HRH2: variants seen among roughly 807,000 people sequenced by gnomAD.
HRH2 encodes the protein histamine receptor H2.
HRH2 carries 4 observed loss-of-function variants against 20.1 expected under a neutral mutation model. The observed-to-expected ratio is 0.20, with a 90% CI of 0.10 to 0.45. The LOEUF is 0.45. Ranked by LOEUF, HRH2 falls within the 20% of genes least tolerant of loss-of-function variation. HRH2 has a pLI of 0.99. For synonymous variants in HRH2, 197 were observed against 200.7 expected (o/e 0.98, Z 0.16); for missense variants, 250 against 461.6 (o/e 0.54, Z 4.20).
intron 2 of HRH2, among the ~76,000 whole-genome samples, chr5:175,697,848 G>GA (rs1416213257): frequency 6.6e-6 from 1 of 152,180 alleles, no homozygotes; most frequent in Non-Finnish European, 1.5e-5. Context: ...CCTGTTCTCA[G>GA]AGCATATCCC....
intron 2 of HRH2, among the ~76,000 whole-genome samples, chr5:175,695,842 G>A (rs949991156): frequency 1.3e-5 from 2 of 152,254 alleles, no homozygotes; most frequent in African/African-American, 4.8e-5. Flanking sequence ...GGGCTGAGGA[G>A]GAACCATCTG....
intron 1 of HRH2, among the ~76,000 whole-genome samples, chr5:175,671,873 G>A (rs934272831): frequency 1.6e-5 from 2 of 126,814 alleles, no homozygotes; most frequent in African/African-American, 6.0e-5. Context: ...TTAAATGGCT[G>A]TGACTCATTG....
In HRH2 at chr5:175,660,576, GA is replaced by G. The variant is rs1214254317; in HGVS notation, c.-526+2422del. 2.0e-5 allele frequency among the ~76,000 whole-genome samples: 3 copies of G among 152,304 alleles called. No homozygotes were observed. The East Asian group carries it at 5.8e-4, about 29-fold the overall frequency. ...TGGGGTTGTGGGAGATTTGTTCCCT[GA>G]CTACTTTTTCTTGACTTTCCAGATT... On this transcript the variant is annotated intron_variant, in intron 1 of 2. Coordinates refer to ENST00000636584, the MANE Select transcript of HRH2 (RefSeq NM_001367711.1).
intron 2 of HRH2, among the ~76,000 whole-genome samples, chr5:175,700,489 A>G (rs1227591747): frequency 6.6e-6 from 1 of 152,228 alleles, no homozygotes; most frequent in African/African-American, 2.4e-5. Context: ...ACCCAGGGAC[A>G]TAAGTGCCTC....
At chr5:175,671,644 A>T (rs17065288) in intron 1 of HRH2, among the ~76,000 whole-genome samples, 2,272 of 152,350 alleles carry the variant, frequency 0.015, 70 homozygotes, top group African/African-American at 0.052. Flanking sequence ...AGTGCCAGGT[A>T]TAAAATACAA....
intron 2 of HRH2, chr5:175,685,542 T>C (rs1448781474): frequency 2.7e-6 from 4 of 1,457,806 alleles, no homozygotes; most frequent in Non-Finnish European, 3.8e-6. Flanking sequence ...ACTGGGGATG[T>C]AGAAATGAGA....
At chr5:175,701,564 C>T (rs932781067) in intron 2 of HRH2, among the ~76,000 whole-genome samples, 5 of 152,110 alleles carry the variant, frequency 3.3e-5, no homozygotes, top group African/African-American at 9.7e-5. Flanking sequence ...CTTTGCAGAC[C>T]CAAGGGAAAA....
At chr5:175,705,124 T>G (rs776498980) in intron 2 of HRH2, among the ~76,000 whole-genome samples, 43 of 152,170 alleles carry the variant, frequency 2.8e-4, no homozygotes, top group Non-Finnish European at 6.0e-4. Context: ...CTTGCCAAAT[T>G]AATCTGTATG....
In HRH2 at chr5:175,683,602, A is replaced by G; in HGVS notation, c.369A>G (p.Pro123=). 6.2e-7 allele frequency: 1 copy of G among 1,613,992 alleles called. No homozygotes were observed. Among genetic ancestry groups the G allele is most frequent in the African/African-American group, 1.3e-5 (1 of 74,972 alleles). Residue 123 remains proline, a synonymous_variant, in exon 2 of 3, where the codon CCA becomes CCG. Transcript: ENST00000636584. ...SLDRYCAVMD[P]LRYPVLVTPV... ...ACCGGTACTGCGCTGTCATGGACCC[A>G]CTGCGGTACCCTGTGCTGGTCACCC... is the stretch of plus-strand genomic sequence containing the variant.
intron 2 of HRH2, among the ~76,000 whole-genome samples, chr5:175,689,261 T>G (rs1756280606): frequency 6.6e-6 from 1 of 152,088 alleles, no homozygotes; most frequent in Non-Finnish European, 1.5e-5. Context: ...CCTGCCCCTC[T>G]GGCCCCCCTC....
At chr5:175,700,873 G>A (rs963475931) in intron 2 of HRH2, among the ~76,000 whole-genome samples, 1 of 152,126 alleles carries the variant, frequency 6.6e-6, no homozygotes, top group East Asian at 1.9e-4. Context: ...GGGCGACAGA[G>A]CAAGACTCTG....
At chr5:175,675,720 C>T (rs957553650) in intron 1 of HRH2, among the ~76,000 whole-genome samples, 2 of 152,228 alleles carry the variant, frequency 1.3e-5, no homozygotes, top group African/African-American at 4.8e-5. Context: ...TGAGCTAGTC[C>T]TCCAGCTTCC....
chr5:175,687,197 G>A lies in HRH2; in HGVS notation c.1076+2888G>A, dbSNP rs566996912. Among the ~76,000 whole-genome samples, 11 of 152,312 alleles carry A rather than the reference G, an allele frequency of 7.2e-5. No individual in the cohort carries two copies. In the South Asian group the frequency reaches 1.0e-3, roughly 14 times the overall value. On this transcript the variant is annotated intron_variant, in intron 2 of 2. Coordinates refer to ENST00000636584, the MANE Select transcript of HRH2 (RefSeq NM_001367711.1). The surrounding 1 kb of genome is among the most constrained non-coding windows in gnomAD (Gnocchi z 5.2). ...CACTGTGGTTGAGGGCATGGAGGGC[G>A]GAGGGAGCCAAGAACAGCCAGAGGT...
chr5:175,708,247 T>G lies in HRH2; in HGVS notation c.*276T>G, dbSNP rs1402545194. 3.1e-6 allele frequency: 1 copy of G among 323,646 alleles called. No homozygotes were observed. The highest frequency in any genetic ancestry group is 2.1e-5 in the African/African-American group (1 of 47,056). 20.0% of individuals were successfully genotyped at this position (323,646 alleles called of 1,614,324 possible). ...ACGTTGGTGCTGGCCCTGGGAGTCA[T>G]GAGCAGAGACGGTGGGACAGACGGG... On this transcript the variant is annotated 3_prime_UTR_variant, in exon 3 of 3. Transcript: ENST00000636584.
At chr5:175,678,213 C>G (rs1204093428) in intron 1 of HRH2, among the ~76,000 whole-genome samples, 1 of 152,212 alleles carries the variant, frequency 6.6e-6, no homozygotes, top group Non-Finnish European at 1.5e-5. Flanking sequence ...TCTGCTGTGC[C>G]CACTGCTGTA....
chr5:175,704,653 A>G (rs1008088769), intron 2 of HRH2, among the ~76,000 whole-genome samples: 1 of 152,128 alleles, frequency 6.6e-6, no homozygotes, highest in Non-Finnish European at 1.5e-5. Context: ...AACTATTACT[A>G]TTCACAGCTA....
intron 1 of HRH2, among the ~76,000 whole-genome samples, chr5:175,666,488 G>A (rs997198658): frequency 6.6e-6 from 1 of 152,154 alleles, no homozygotes; most frequent in Non-Finnish European, 1.5e-5. Context: ...GTGCAGTGGT[G>A]CAATCTCAGC....
At position 175,687,057 on chromosome 5, in the gene HRH2, C is replaced by T. The variant is rs183739972; in HGVS notation, c.1076+2748C>T. Among the ~76,000 whole-genome samples the T allele has an allele frequency of 2.6e-4, 40 of 152,250 alleles. No homozygotes were observed. Among genetic ancestry groups the T allele is most frequent in the Admixed American group, 9.8e-4 (15 of 15,300 alleles). On this transcript the variant is annotated intron_variant, in intron 2 of 2. Transcript: ENST00000636584. The surrounding 1 kb of genome is among the most constrained non-coding windows in gnomAD (Gnocchi z 5.2). ...GCAGCCGTGGAGGCAGGGCCAGATC[C>T]GAGTCCAGAGCCCATGCTCCTGGAG...
chr5:175,694,111 G>C (rs1355560660), intron 2 of HRH2, among the ~76,000 whole-genome samples: 1 of 152,186 alleles, frequency 6.6e-6, no homozygotes, highest in Non-Finnish European at 1.5e-5. Flanking sequence ...CCAATTGAGT[G>C]AGTGCCCTTG....
Sources: allele counts gnomAD v4.1 joint callset (sites outside exome capture counted in the v4.1 genomes callset), GRCh38; gene constraint gnomAD v4.1.1; non-coding constraint Gnocchi (gnomAD v3.1); transcripts MANE v1.5; gene names NCBI Gene and HGNC (gene_info 2026-07-23, HGNC 2026-07-21).